Variants in TULP4 observed in about 807,000 individuals in gnomAD.
TULP4 encodes the protein TUB like protein 4.
In TULP4, 16 loss-of-function variants were observed where a neutral mutation model predicts 129.0. That is an observed-to-expected ratio of 0.12 (90% CI 0.08 to 0.19). The LOEUF (loss-of-function observed/expected upper bound fraction) is 0.19. Ranked by LOEUF, TULP4 falls within the 10% of genes least tolerant of loss-of-function variation. The pLI is 1.00. For synonymous variants in TULP4, 998 were observed against 854.0 expected, an observed-to-expected ratio of 1.17 and a Z score of -2.94; for missense variants, 1,842 against 2,059.1, an observed-to-expected ratio of 0.89 and a Z score of 2.04.
intron 1 of TULP4, among the ~76,000 whole-genome samples, chr6:158,347,640 C>T (rs1780343115): frequency 6.6e-6 from 1 of 152,200 alleles, no homozygotes; most frequent in East Asian, 1.9e-4. Flanking sequence ...GTAAAGTCTT[C>T]CTGCCTGCTG....
exon 1 of TULP4, chr6:158,282,289 G>A (rs1332917114): frequency 2.0e-5 from 3 of 151,874 alleles, no homozygotes; most frequent in African/African-American, 7.3e-5. Context: ...GTATCTCCAC[G>A]TTTAGGTGCA....
chr6:158,423,743 C>T (rs1021499865), intron 2 of TULP4, among the ~76,000 whole-genome samples: 2 of 152,062 alleles, frequency 1.3e-5, no homozygotes, highest in Non-Finnish European at 2.9e-5. Context: ...TGGGTTCATG[C>T]CATTCTCCTG....
intron 3 of TULP4, among the ~76,000 whole-genome samples, chr6:158,433,140 GT>G (rs1479840022): frequency 6.6e-6 from 1 of 152,174 alleles, no homozygotes; most frequent in East Asian, 1.9e-4. Context: ...GTCTAGAACA[GT>G]TTCCCGTTTT....
intron 1 of TULP4, among the ~76,000 whole-genome samples, chr6:158,331,746 T>C (rs1158476636): frequency 2.2e-4 from 4 of 18,574 alleles, no homozygotes; most frequent in Non-Finnish European, 8.4e-4. Context: ...TATATATACG[T>C]GTATATACAC....
At chr6:158,261,113 G>C (rs4710158) in intron 1 of TULP4, among the ~76,000 whole-genome samples, 49,948 of 151,908 alleles carry the variant, frequency 0.33, 9,201 homozygotes, top group Admixed American at 0.45. Flanking sequence ...GCCACTGTGC[G>C]CGGCTGAAAA....
At chr6:158,258,458 G>A (rs1778289514) in intron 1 of TULP4, among the ~76,000 whole-genome samples, 1 of 152,164 alleles carries the variant, frequency 6.6e-6, no homozygotes, top group Admixed American at 6.5e-5. Flanking sequence ...AGAATTTCCA[G>A]GGAAGAGCTG....
chr6:158,417,682 G>T (rs1017386631), intron 2 of TULP4, among the ~76,000 whole-genome samples: 5 of 152,228 alleles, frequency 3.3e-5, no homozygotes, highest in Non-Finnish European at 5.9e-5. Context: ...TGGCTTAGAA[G>T]AGGAGTGTCC....
At chr6:158,418,267 C>T (rs376702547) in intron 2 of TULP4, among the ~76,000 whole-genome samples, 13 of 151,860 alleles carry the variant, frequency 8.6e-5, no homozygotes, top group East Asian at 5.8e-4. Flanking sequence ...TCACCACACC[C>T]GGCTATTTTT....
At position 158,238,329 on chromosome 6, in the gene TULP4, G is replaced by A. The variant is rs199862313; in HGVS notation, n.68+6026G>A. On this transcript the variant is annotated intron_variant and non_coding_transcript_variant, in intron 1 of 1. Coordinates refer to the TULP4 transcript ENST00000620026. ...GGGTTAACATAGGTGAGAGATGCTCGGGACTTTGGGAATGTAAACTGGCAG... is the reference window on the plus strand; with the variant it reads ...GGGTTAACATAGGTGAGAGATGCTCAGGACTTTGGGAATGTAAACTGGCAG... 12 of 829,262 alleles carry A rather than the reference G, an allele frequency of 1.4e-5. No individual in the cohort carries two copies. In the East Asian group the frequency reaches 1.5e-4, roughly 10 times the overall value. 51.4% of individuals were successfully genotyped at this position (829,262 alleles called of 1,614,324 possible).
chr6:158,291,119 A>G (rs1315614715), intron 1 of TULP4, among the ~76,000 whole-genome samples: 1 of 152,244 alleles, frequency 6.6e-6, no homozygotes, highest in Non-Finnish European at 1.5e-5. Context: ...TGTTTTGAAC[A>G]GACATTGTTT....
intron 6 of TULP4, among the ~76,000 whole-genome samples, chr6:158,470,388 G>A (rs562347693): frequency 6.6e-6 from 1 of 152,380 alleles, no homozygotes; most frequent in South Asian, 2.1e-4. Context: ...CCCAAAGGGG[G>A]TTGCCGTTGC....
At chr6:158,468,874 ATC>A (rs1448288211) in intron 6 of TULP4, among the ~76,000 whole-genome samples, 1 of 152,096 alleles carries the variant, frequency 6.6e-6, no homozygotes, top group African/African-American at 2.4e-5. Flanking sequence ...CCTCCCTTTA[ATC>A]TCTTTTATAA....
chr6:158,455,736 CA>C (rs71030174), intron 5 of TULP4, among the ~76,000 whole-genome samples: 60,971 of 141,258 alleles, frequency 0.43, 13,517 homozygotes, highest in African/African-American at 0.62. Flanking sequence ...GACTCCGTCT[CA>C]AAAAAAAAAA....
At chr6:158,435,117 T>C (rs1778722834) in intron 3 of TULP4, among the ~76,000 whole-genome samples, 1 of 152,226 alleles carries the variant, frequency 6.6e-6, no homozygotes, top group Non-Finnish European at 1.5e-5. Flanking sequence ...ATACATAATA[T>C]GGGTGCATGA....
intron 1 of TULP4, among the ~76,000 whole-genome samples, chr6:158,399,012 C>T (rs1453709753): frequency 6.6e-6 from 1 of 152,158 alleles, no homozygotes; most frequent in Non-Finnish European, 1.5e-5. Context: ...GTGTATGCAA[C>T]TGCCAGTAAC....
exon 1 of TULP4, chr6:158,232,243 G>C (rs1424490622): frequency 1.3e-5 from 2 of 148,780 alleles, no homozygotes. Flanking sequence ...GGCGATGCGG[G>C]GCTGCTGGAG....
intron 1 of TULP4, among the ~76,000 whole-genome samples, chr6:158,260,649 G>A (rs1024718799): frequency 4.6e-5 from 7 of 151,840 alleles, no homozygotes; most frequent in African/African-American, 1.5e-4. Flanking sequence ...GAAGGAGATC[G>A]CCTAGGCAGA....
intron 1 of TULP4, among the ~76,000 whole-genome samples, chr6:158,232,662 AT>A (rs1192888290): frequency 1.3e-4 from 20 of 150,340 alleles, no homozygotes. Context: ...GCTTGGAGCC[AT>A]TTTTTTTTCT....
intron 1 of TULP4, among the ~76,000 whole-genome samples, chr6:158,410,158 A>G (rs533703784): frequency 6.6e-6 from 1 of 152,332 alleles, no homozygotes; most frequent in African/African-American, 2.4e-5. Flanking sequence ...CTGGCCACTG[A>G]TTAAGAATTT....
Sources: allele counts gnomAD v4.1 joint callset (sites outside exome capture counted in the v4.1 genomes callset), GRCh38; gene constraint gnomAD v4.1.1; transcripts MANE v1.5; gene names NCBI Gene and HGNC (gene_info 2026-07-23, HGNC 2026-07-21).